KCTD13: variants seen among roughly 807,000 people sequenced by gnomAD.
The protein encoded by KCTD13 is potassium channel tetramerization domain containing 13, also known as BTB/POZ domain-containing adapter for CUL3-mediated RhoA degradation protein 1.
In KCTD13, 15 loss-of-function variants were observed where a neutral mutation model predicts 32.3. The ratio of observed to expected loss-of-function variants is 0.46; its 90% CI spans 0.31 to 0.71. KCTD13 has a LOEUF of 0.71. Ranked by LOEUF, KCTD13 falls within the 30% of genes least tolerant of loss-of-function variation. KCTD13 has a pLI of 0.05. For synonymous variants in KCTD13, 189 were observed against 200.1 expected, an observed-to-expected ratio of 0.94 and a Z score of 0.47; for missense variants, 337 against 452.6, an observed-to-expected ratio of 0.74 and a Z score of 2.32.
intron 5 of KCTD13, among the ~76,000 whole-genome samples, chr16:29,909,163 C>T (rs969857448): frequency 6.6e-6 from 1 of 152,170 alleles, no homozygotes; most frequent in African/African-American, 2.4e-5. Context: ...AAGGAACTAA[C>T]ACCTCGCTGC....
intron 2 of KCTD13, chr16:29,922,932 AGCTGGACTG>A: frequency 2.1e-6 from 1 of 487,442 alleles, no homozygotes; most frequent in South Asian, 4.4e-5. Context: ...CGAGTGTAAC[AGCTGGACTG>A]GCTGCATAGG....
At chr16:29,909,830 G>A (rs748451723) in intron 5 of KCTD13, among the ~76,000 whole-genome samples, 23 of 151,918 alleles carry the variant, frequency 1.5e-4, no homozygotes, top group Non-Finnish European at 3.1e-4. Context: ...AGCACTTTGG[G>A]AGGCCGAGGA....
intron 1 of KCTD13, among the ~76,000 whole-genome samples, chr16:29,925,002 C>A (rs1201103491): frequency 6.6e-6 from 1 of 152,166 alleles, no homozygotes; most frequent in Non-Finnish European, 1.5e-5. Context: ...AAGGCGTGAG[C>A]CACCGCACCT....
intron 1 of KCTD13, among the ~76,000 whole-genome samples, chr16:29,924,174 C>CAAAA (rs72170823): frequency 8.4e-5 from 12 of 143,654 alleles, no homozygotes; most frequent in Admixed American, 2.8e-4. Context: ...AACTCCATCT[C>CAAAA]AAAAAAAAAG....
intron 2 of KCTD13, among the ~76,000 whole-genome samples, chr16:29,916,831 CT>C (rs1403372123): frequency 4.0e-4 from 61 of 152,334 alleles, no homozygotes; most frequent in Non-Finnish European, 7.5e-4. Context: ...TTGGCTAGGG[CT>C]GCAGTCATCA....
At chr16:29,924,780 G>A (rs1227395968) in intron 1 of KCTD13, among the ~76,000 whole-genome samples, 4 of 148,708 alleles carry the variant, frequency 2.7e-5, no homozygotes, top group African/African-American at 1.0e-4. Context: ...GTGCAGTGGC[G>A]CTGTCTCGGC....
chr16:29,926,102 T>C lies in KCTD13; in HGVS notation c.-69A>G. The C allele has an allele frequency of 7.0e-7, 1 of 1,427,234 alleles. No homozygotes were observed. Among genetic ancestry groups the C allele is most frequent in the Non-Finnish European group, 9.1e-7 (1 of 1,098,126 alleles). 88.4% of individuals were successfully genotyped at this position (1,427,234 alleles called of 1,614,324 possible). A position where few individuals can be genotyped will look rare whatever the true frequency, so the allele number is the denominator to read the frequency against. ...CCCTGCGGCCTGCTCCCGAAGACCC[T>C]CGGCCGGCCCCCAGCCCTTGGGCCA... On this transcript the variant is annotated 5_prime_UTR_variant, in exon 1 of 6. Coordinates refer to ENST00000568000, the MANE Select transcript of KCTD13 (RefSeq NM_178863.5).
At chr16:29,920,521 TA>T (rs2068890674) in intron 2 of KCTD13, 1 of 151,698 alleles carries the variant, frequency 6.6e-6, no homozygotes, top group Non-Finnish European at 1.5e-5. Flanking sequence ...GGAACTAAAC[TA>T]AAATATGCAA....
chr16:29,911,448 A>G, intron 4 of KCTD13: 2 of 552,204 alleles, frequency 3.6e-6, no homozygotes, highest in Middle Eastern at 9.6e-4. Context: ...CCCATTTTTT[A>G]ACTGGGTGAC....
chr16:29,925,526 T>G, intron 1 of KCTD13: 2 of 530,480 alleles, frequency 3.8e-6, no homozygotes, highest in Non-Finnish European at 6.8e-6. Context: ...AACTGACACG[T>G]TCAATCACTT....
Position 29,925,846 on chromosome 16 carries a change from T to TG in KCTD13, c.187_188insC (p.Asp63AlafsTer25). On this transcript the variant is annotated frameshift_variant, in exon 1 of 6. Coordinates refer to ENST00000568000, the MANE Select transcript of KCTD13 (RefSeq NM_178863.5). LOFTEE classifies it high-confidence loss of function. ...GCTGAACATGGCTTTGAGCATGGTG[T>TG]CCTGTCCCGTGAGGGTGCGCAGCGT... 1 of 1,614,052 alleles carries TG rather than the reference T, an allele frequency of 6.2e-7. No individual in the cohort carries two copies. The highest frequency in any genetic ancestry group is 8.5e-7 in the Non-Finnish European group (1 of 1,179,988).
At position 29,915,516 on chromosome 16, in the gene KCTD13, G is replaced by T. The variant is rs543000499; in HGVS notation, c.415-3467C>A. On this transcript the variant is annotated intron_variant, in intron 2 of 5. Transcript: ENST00000568000. Reference sequence around the variant, plus strand: ...AAAATACAAAAATTAGCTGGGCGTGGTGGTGGGCACCTGTAATCGCAGCTA... The same window carrying T: ...AAAATACAAAAATTAGCTGGGCGTGTTGGTGGGCACCTGTAATCGCAGCTA... 2.8e-3 allele frequency among the ~76,000 whole-genome samples: 428 copies of T among 151,990 alleles called. 2 individuals are homozygous for T. Among genetic ancestry groups the T allele is most frequent in the Non-Finnish European group, 4.6e-3 (315 of 67,976 alleles).
At chr16:29,915,803 A>G (rs567483595) in intron 2 of KCTD13, among the ~76,000 whole-genome samples, 9 of 152,224 alleles carry the variant, frequency 5.9e-5, no homozygotes, top group African/African-American at 2.2e-4. Flanking sequence ...GGACTTTTTC[A>G]TCACATCCTC....
chr16:29,925,426 CTGCCAGGAG>C (rs2068977682), intron 1 of KCTD13: 2 of 303,780 alleles, frequency 6.6e-6, no homozygotes, highest in Non-Finnish European at 1.3e-5. Context: ...CTGAGGAAGG[CTGCCAGGAG>C]TAGTACTGCA....
intron 1 of KCTD13, among the ~76,000 whole-genome samples, chr16:29,925,286 G>A (rs915060260): frequency 1.3e-5 from 2 of 152,178 alleles, no homozygotes; most frequent in Admixed American, 6.6e-5. Flanking sequence ...GTATACAGGT[G>A]GATTCCTAGA....
At position 29,906,379 on chromosome 16, in the gene KCTD13, T is replaced by G. The variant is rs2068612840; in HGVS notation, c.*493A>C. On this transcript the variant is annotated 3_prime_UTR_variant, in exon 6 of 6. Coordinates refer to ENST00000568000, the MANE Select transcript of KCTD13 (RefSeq NM_178863.5). ...TTATTTCAATAATTTAATAGAAAAT[T>G]AAAATAATAAATAATATGAAACAGA... 3 of 207,108 alleles carry G rather than the reference T, an allele frequency of 1.4e-5. No homozygotes were observed. The highest frequency in any genetic ancestry group is 2.0e-3 in the Middle Eastern group (1 of 512). 12.8% of individuals were successfully genotyped at this position (207,108 alleles called of 1,614,324 possible). A position where few individuals can be genotyped will look rare whatever the true frequency, so the allele number is the denominator to read the frequency against.
intron 2 of KCTD13, among the ~76,000 whole-genome samples, chr16:29,912,993 C>A (rs1405459391): frequency 1.3e-5 from 2 of 152,168 alleles, no homozygotes; most frequent in Non-Finnish European, 1.5e-5. Context: ...CAAAATCCCT[C>A]TCACTTCTCC....
rs1401409413 is a variant in KCTD13 at position 29,906,999 on chromosome 16, C to A, written c.863G>T (p.Gly288Val). Residue 288 changes from glycine (G) to valine (V), a missense_variant, in exon 6 of 6, where the codon GGA becomes GTA. Transcript: ENST00000568000. ...CTCCCCGCGGCCAGCCCCACCAGCTCCAGCTGCTCCCCCTGTGGCCTCCAG... is the reference window on the plus strand; with the variant it reads ...CTCCCCGCGGCCAGCCCCACCAGCTACAGCTGCTCCCCCTGTGGCCTCCAG... Reference protein sequence around the residue: ...ALLEATGGAAGAGGAGRGEDE... With the variant: ...ALLEATGGAAVAGGAGRGEDE... 3 of 1,614,048 alleles carry A rather than the reference C, an allele frequency of 1.9e-6. No homozygotes were observed. The highest frequency in any genetic ancestry group is 2.5e-6 in the Non-Finnish European group (3 of 1,180,026).
intron 2 of KCTD13, 143 bp downstream of exon 2, chr16:29,923,047 G>T: frequency 1.2e-6 from 1 of 868,578 alleles, no homozygotes; most frequent in Non-Finnish European, 1.7e-6. Context: ...GGATGCAGAA[G>T]ATGGCACCTC....
Sources: allele counts gnomAD v4.1 joint callset (sites outside exome capture counted in the v4.1 genomes callset), GRCh38; gene constraint gnomAD v4.1.1; transcripts MANE v1.5; gene names NCBI Gene and HGNC (gene_info 2026-07-23, HGNC 2026-07-21).